The following ANGPT2 variants were observed in gnomAD, a reference collection of about 807,000 sequenced individuals.
The protein encoded by ANGPT2 is angiopoietin-2.
ANGPT2 carries 28 observed loss-of-function variants against 62.9 expected under a neutral mutation model. The ratio of observed to expected loss-of-function variants is 0.44; its 90% CI spans 0.33 to 0.61. The LOEUF (loss-of-function observed/expected upper bound fraction) is 0.61, where lower values mean the gene tolerates loss of function less well. Among genes scored for constraint, ANGPT2 ranks in the 20% least tolerant of loss-of-function variants. ANGPT2 has a pLI of 0.03. For missense variants in ANGPT2, 727 were observed against 594.9 expected (o/e 1.22, Z -2.31); for synonymous variants, 284 against 207.8 (o/e 1.37, Z -3.15).
chr8:6,534,165 C>T (rs545303991), intron 1 of ANGPT2, among the ~76,000 whole-genome samples: 28 of 152,036 alleles, frequency 1.8e-4, no homozygotes, highest in African/African-American at 6.8e-4. Flanking sequence ...CCATCTGTGG[C>T]CTCCACATCT....
In ANGPT2 at chr8:6,502,848, C is replaced by T. The variant is rs990847847; in HGVS notation, c.*253G>A. On this transcript the variant is annotated 3_prime_UTR_variant, in exon 9 of 9. Transcript: ENST00000629816. ...AAACTGTCAGTCTGATTCTCAGCCT[C>T]GGGTTCATCTTTGCATAGGTGTTCT... 3 of 448,610 alleles carry T rather than the reference C, an allele frequency of 6.7e-6. No homozygotes were observed. Among genetic ancestry groups the T allele is most frequent in the Admixed American group, 3.9e-5 (1 of 25,822 alleles). The allele number at this position is 448,610 out of a possible 1,614,324, so 27.8% of individuals were successfully genotyped here. A position where few individuals can be genotyped will look rare whatever the true frequency, so the allele number is the denominator to read the frequency against.
intron 1 of ANGPT2, among the ~76,000 whole-genome samples, chr8:6,542,216 C>A (rs997682878): frequency 1.3e-5 from 2 of 152,012 alleles, no homozygotes; most frequent in Non-Finnish European, 2.9e-5. Flanking sequence ...CAGTGTTTTT[C>A]TATGCCAAAT....
chr8:6,542,561 G>A (rs1054059054), intron 1 of ANGPT2, among the ~76,000 whole-genome samples: 5 of 151,358 alleles, frequency 3.3e-5, no homozygotes, highest in Admixed American at 6.6e-5. Flanking sequence ...ACCCCATCCC[G>A]CACTCTCATC....
At chr8:6,510,853 G>A (rs1814915617) in intron 7 of ANGPT2, among the ~76,000 whole-genome samples, 1 of 152,172 alleles carries the variant, frequency 6.6e-6, no homozygotes, top group South Asian at 2.1e-4. Context: ...TCATCCTAAG[G>A]CATGAACTGG....
intron 8 of ANGPT2, among the ~76,000 whole-genome samples, chr8:6,505,472 CAT>C (rs1221872312): frequency 2.4e-5 from 1 of 42,040 alleles, no homozygotes; most frequent in Non-Finnish European, 5.0e-5. Flanking sequence ...ATATTCTTTA[CAT>C]ATATAGAATA....
intron 8 of ANGPT2, among the ~76,000 whole-genome samples, chr8:6,505,811 TTATA>T (rs1813550378): frequency 7.2e-6 from 1 of 138,436 alleles, no homozygotes; most frequent in African/African-American, 2.6e-5. Flanking sequence ...TGCATATTCT[TTATA>T]TATGTATATA....
At chr8:6,547,049 C>A (rs948351866) in intron 1 of ANGPT2, among the ~76,000 whole-genome samples, 1 of 152,000 alleles carries the variant, frequency 6.6e-6, no homozygotes, top group Non-Finnish European at 1.5e-5. Flanking sequence ...GCACGTGTTC[C>A]GTGTGTACCG....
At chr8:6,548,383 C>T (rs1822993782) in intron 1 of ANGPT2, among the ~76,000 whole-genome samples, 1 of 152,186 alleles carries the variant, frequency 6.6e-6, no homozygotes, top group South Asian at 2.1e-4. Context: ...TAGGAAATTT[C>T]CCGAAAATGG....
Position 6,527,624 on chromosome 8 carries a change from G to T in ANGPT2, c.497C>A (p.Ser166Ter), listed in dbSNP as rs773644967. ...AATCTGTTTTTCCAATTTGTTTGTC[G>T]AGAGGGAGTGTTCCAAGAGCTGAAG... The part of the protein sequence containing the change: ...LELQLLEHSL[S>*]TNKLEKQILD... The change falls in exon 3 of 9, where the codon TCG becomes TAG. Residue 166 changes from serine (S) to a stop codon, truncating the protein, a stop_gained. Coordinates refer to ENST00000629816, the MANE Select transcript of ANGPT2 (RefSeq NM_001118887.2). LOFTEE classifies it high-confidence loss of function. 3 of 1,613,730 alleles carry T rather than the reference G, an allele frequency of 1.9e-6. No individual in the cohort carries two copies. Among genetic ancestry groups the T allele is most frequent in the Non-Finnish European group, 2.5e-6 (3 of 1,179,874 alleles).
At position 6,502,049 on chromosome 8, in the gene ANGPT2, G is replaced by C. The variant is rs1812300224; in HGVS notation, c.*1052C>G. ...TATAGCTTTGTAAATTTCTTAAATAGAAGGCTTTTCTCAACCAGAAATTAA... is the reference window on the plus strand; with the variant it reads ...TATAGCTTTGTAAATTTCTTAAATACAAGGCTTTTCTCAACCAGAAATTAA... On this transcript the variant is annotated 3_prime_UTR_variant, in exon 9 of 9. Transcript: ENST00000629816. 2.0e-5 allele frequency: 3 copies of C among 151,310 alleles called. No individual in the cohort carries two copies. 9.4% of individuals were successfully genotyped at this position (151,310 alleles called of 1,614,324 possible). A position where few individuals can be genotyped will look rare whatever the true frequency, so the allele number is the denominator to read the frequency against.
chr8:6,534,785 A>G (rs769705259), intron 1 of ANGPT2, among the ~76,000 whole-genome samples: 3 of 152,164 alleles, frequency 2.0e-5, no homozygotes, highest in Non-Finnish European at 4.4e-5. Context: ...AGTGTGTGTG[A>G]TCTTTCTTAA....
At chr8:6,506,024 A>T (rs1324679766) in intron 8 of ANGPT2, among the ~76,000 whole-genome samples, 1 of 145,358 alleles carries the variant, frequency 6.9e-6, no homozygotes, top group African/African-American at 2.5e-5. Context: ...TATATATATA[A>T]AAACATATAT....
chr8:6,561,148 G>A (rs539737887), intron 1 of ANGPT2, among the ~76,000 whole-genome samples: 4 of 152,314 alleles, frequency 2.6e-5, no homozygotes, highest in South Asian at 2.1e-4. Context: ...TAAGCTTAGC[G>A]TAATTATTCA....
At chr8:6,512,417 T>C (rs755639474) in intron 7 of ANGPT2, among the ~76,000 whole-genome samples, 2 of 152,212 alleles carry the variant, frequency 1.3e-5, no homozygotes, top group Non-Finnish European at 2.9e-5. Context: ...GACGAGACTG[T>C]AGGTCAGATG....
chr8:6,516,980 A>G (rs138976713), intron 5 of ANGPT2, among the ~76,000 whole-genome samples: 2 of 152,344 alleles, frequency 1.3e-5, no homozygotes, highest in East Asian at 3.9e-4. Context: ...TTATTAGAAC[A>G]TTTTCTTAGT....
chr8:6,510,645 C>T (rs1814870990), intron 7 of ANGPT2, among the ~76,000 whole-genome samples: 1 of 152,172 alleles, frequency 6.6e-6, no homozygotes, highest in Admixed American at 6.5e-5. Context: ...TGTCCGAGGT[C>T]AGACTCTTAA....
chr8:6,552,464 A>T (rs1823821766), intron 1 of ANGPT2, among the ~76,000 whole-genome samples: 1 of 152,216 alleles, frequency 6.6e-6, no homozygotes, highest in Admixed American at 6.5e-5. Context: ...TCGAGTAAAC[A>T]TGTGCTTTGA....
chr8:6,505,720 C>A (rs1325154405), intron 8 of ANGPT2, among the ~76,000 whole-genome samples: 1 of 107,654 alleles, frequency 9.3e-6, no homozygotes, highest in African/African-American at 3.1e-5. Flanking sequence ...TATATATATT[C>A]TATATATATT....
chr8:6,536,056 C>CA (rs1563084857), intron 1 of ANGPT2, among the ~76,000 whole-genome samples: 1 of 150,580 alleles, frequency 6.6e-6, no homozygotes. Flanking sequence ...GACCTTGTCT[C>CA]AAAAAAAGAA....
Sources: allele counts gnomAD v4.1 joint callset (sites outside exome capture counted in the v4.1 genomes callset), GRCh38; gene constraint gnomAD v4.1.1; transcripts MANE v1.5; gene names NCBI Gene and HGNC (gene_info 2026-07-23, HGNC 2026-07-21).